RAP1A: variants seen among roughly 807,000 people sequenced by gnomAD.
The protein encoded by RAP1A is RAP1A, member of RAS oncogene family, also known as ras-related protein Rap-1A.
RAP1A carries 6 observed loss-of-function variants against 26.4 expected under a neutral mutation model. The observed-to-expected ratio is 0.23, with a 90% CI of 0.12 to 0.45. The LOEUF (loss-of-function observed/expected upper bound fraction) is 0.45, where lower values mean the gene tolerates loss of function less well. Ranked by LOEUF, RAP1A falls within the 20% of genes least tolerant of loss-of-function variation. RAP1A has a pLI of 0.99. For missense variants in RAP1A, 121 were observed against 217.2 expected (o/e 0.56, Z 2.78); for synonymous variants, 73 against 79.4 (o/e 0.92, Z 0.43).
rs1662437378 is a variant in RAP1A, at chr1:111,713,204, C to A, written c.*803C>A. ...TTTTAAATGCGACAGTAGCTCCTTT[C>A]TGCCTAGTATCTGCAGAACACTGGC... On this transcript the variant is annotated 3_prime_UTR_variant, in exon 8 of 8. Transcript: ENST00000369709. The A allele has an allele frequency of 6.6e-6, 1 of 152,470 alleles. No homozygotes were observed. The highest frequency in any genetic ancestry group is 1.5e-5 in the Non-Finnish European group (1 of 67,988). 9.4% of individuals were successfully genotyped at this position (152,470 alleles called of 1,614,324 possible).
chr1:111,695,262 CATT>C, intron 2 of RAP1A, 76 bp from the exon 3 acceptor site: 1 of 1,020,332 alleles, frequency 9.8e-7, no homozygotes, highest in South Asian at 1.7e-5. Context: ...TTCAATTAAT[CATT>C]ATAATTTGTA....
chr1:111,568,211 T>G (rs762826582), intron 1 of RAP1A, among the ~76,000 whole-genome samples: 2 of 152,204 alleles, frequency 1.3e-5, no homozygotes, highest in Non-Finnish European at 2.9e-5. Flanking sequence ...GGCTGGGTAA[T>G]TTATAAAGAA....
chr1:111,616,497 G>A (rs1659016982), upstream of RAP1A, among the ~76,000 whole-genome samples: 1 of 152,078 alleles, frequency 6.6e-6, no homozygotes, highest in Non-Finnish European at 1.5e-5. Flanking sequence ...CCTTCCCCAT[G>A]CTCAACTTTT....
At chr1:111,602,226 G>A (rs1310703281) in intron 1 of RAP1A, 1 of 152,166 alleles carries the variant, frequency 6.6e-6, no homozygotes, top group South Asian at 2.1e-4. Flanking sequence ...TTATGTTCAG[G>A]ATCAAGTCAG....
chr1:111,694,733 G>A (rs975359541), intron 2 of RAP1A, among the ~76,000 whole-genome samples: 3 of 152,164 alleles, frequency 2.0e-5, no homozygotes, highest in Non-Finnish European at 4.4e-5. Context: ...TAAATTAAAA[G>A]TGACTAGCTT....
chr1:111,673,223 T>A (rs535697524), intron 1 of RAP1A, among the ~76,000 whole-genome samples: 1 of 152,346 alleles, frequency 6.6e-6, no homozygotes, highest in East Asian at 1.9e-4. Flanking sequence ...ACCAGCATGT[T>A]GTGGTGAGTT....
intron 1 of RAP1A, among the ~76,000 whole-genome samples, chr1:111,552,398 A>G (rs1267226294): frequency 6.6e-6 from 1 of 152,204 alleles, no homozygotes; most frequent in African/African-American, 2.4e-5. Flanking sequence ...ATTTTTCCTG[A>G]ATACGTGTTC....
chr1:111,631,795 A>G (rs572503218), intron 1 of RAP1A, among the ~76,000 whole-genome samples: 2 of 152,202 alleles, frequency 1.3e-5, no homozygotes, highest in East Asian at 1.9e-4. Context: ...CTTTTTTTCC[A>G]TAAATCATAC....
intron 1 of RAP1A, among the ~76,000 whole-genome samples, chr1:111,643,558 A>G (rs1371222146): frequency 6.6e-6 from 1 of 152,224 alleles, no homozygotes; most frequent in East Asian, 1.9e-4. Context: ...ACAATGACAT[A>G]TATAACTGTA....
upstream of RAP1A, among the ~76,000 whole-genome samples, chr1:111,617,546 C>T (rs998763261): frequency 1.3e-5 from 2 of 152,096 alleles, no homozygotes; most frequent in African/African-American, 2.4e-5. Flanking sequence ...CATTCTCCTG[C>T]CTCAGCCTCC....
chr1:111,596,123 T>A (rs1658559474), intron 1 of RAP1A, among the ~76,000 whole-genome samples: 1 of 152,202 alleles, frequency 6.6e-6, no homozygotes, highest in African/African-American at 2.4e-5. Flanking sequence ...AGTGCAATTT[T>A]AAAAAAGAGT....
intron 1 of RAP1A, among the ~76,000 whole-genome samples, chr1:111,568,703 A>C (rs1246063601): frequency 6.6e-6 from 1 of 152,142 alleles, no homozygotes; most frequent in Non-Finnish European, 1.5e-5. Flanking sequence ...AGGTCCACTC[A>C]CATGCAGATT....
intron 6 of RAP1A, among the ~76,000 whole-genome samples, chr1:111,706,120 CAT>C (rs1057047399): frequency 4.6e-5 from 7 of 152,136 alleles, no homozygotes; most frequent in Non-Finnish European, 8.8e-5. Flanking sequence ...TAAAAACAAA[CAT>C]AGAAAAACCA....
In RAP1A at chr1:111,697,631, G is replaced by A. The variant is rs189841860; in HGVS notation, c.183+134G>A. Reference sequence around the variant, plus strand: ...TAAGAAGAAATTCTCTGAACATAGGGATTCTTAAGTATATGAAATCAACTC... The same window carrying A: ...TAAGAAGAAATTCTCTGAACATAGGAATTCTTAAGTATATGAAATCAACTC... On this transcript the variant is annotated intron_variant, in intron 4 of 7. Coordinates refer to ENST00000369709, the MANE Select transcript of RAP1A (RefSeq NM_002884.4). The A allele has an allele frequency of 2.7e-6, 4 of 1,462,790 alleles. No homozygotes were observed. The Admixed American group carries it at 8.0e-5, about 29-fold the overall frequency. 90.6% of individuals were successfully genotyped at this position (1,462,790 alleles called of 1,614,324 possible).
At chr1:111,653,972 T>C (rs2101141888) in intron 1 of RAP1A, among the ~76,000 whole-genome samples, 1 of 152,166 alleles carries the variant, frequency 6.6e-6, no homozygotes, top group East Asian at 1.9e-4. Context: ...TGGCAAGATG[T>C]AAGTGGAAGA....
intron 1 of RAP1A, among the ~76,000 whole-genome samples, chr1:111,553,583 A>G (rs1657361461): frequency 6.6e-6 from 1 of 152,110 alleles, no homozygotes; most frequent in Non-Finnish European, 1.5e-5. Context: ...CCTAATTTCT[A>G]CTGGTTACAT....
intron 1 of RAP1A, among the ~76,000 whole-genome samples, chr1:111,565,272 T>A (rs927408402): frequency 2.0e-5 from 3 of 152,200 alleles, no homozygotes; most frequent in African/African-American, 7.2e-5. Flanking sequence ...GATTTTGTAA[T>A]GCCTCATAGG....
At chr1:111,696,462 G>A (rs1022051195) in intron 3 of RAP1A, among the ~76,000 whole-genome samples, 1 of 152,274 alleles carries the variant, frequency 6.6e-6, no homozygotes, top group African/African-American at 2.4e-5. Flanking sequence ...AACATTCCCA[G>A]TTACAAATTT....
chr1:111,670,771 AAGAG>A (rs1263645439), intron 1 of RAP1A, among the ~76,000 whole-genome samples: 3 of 152,206 alleles, frequency 2.0e-5, no homozygotes, highest in Non-Finnish European at 4.4e-5. Context: ...ATTTTTATAA[AAGAG>A]AGAAAAGTGC....
Sources: allele counts gnomAD v4.1 joint callset (sites outside exome capture counted in the v4.1 genomes callset), GRCh38; gene constraint gnomAD v4.1.1; transcripts MANE v1.5; gene names NCBI Gene and HGNC (gene_info 2026-07-23, HGNC 2026-07-21).